LPIN1: variants seen among roughly 807,000 people sequenced by gnomAD.
The protein encoded by LPIN1 is lipin 1, also known as phosphatidate phosphatase LPIN1.
LPIN1 carries 71 observed loss-of-function variants against 107.5 expected under a neutral mutation model. The observed-to-expected ratio is 0.66, with a 90% confidence interval of 0.55 to 0.80. LPIN1 has a LOEUF of 0.80. Ranked by LOEUF, LPIN1 falls within the 30% of genes least tolerant of loss-of-function variation. LPIN1 has a pLI of 0.00. For missense variants in LPIN1, 1,043 were observed against 1,160.6 expected (o/e 0.90, Z 1.47); for synonymous variants, 445 against 452.6 (o/e 0.98, Z 0.21).
intron 1 of LPIN1, among the ~76,000 whole-genome samples, chr2:11,733,553 G>A (rs902033517): frequency 7.3e-5 from 11 of 150,410 alleles, no homozygotes; most frequent in African/African-American, 1.7e-4. Flanking sequence ...GTGCAGTGGC[G>A]TGATCTCAGC....
chr2:11,810,928 A>G (rs1047884545), intron 17 of LPIN1, among the ~76,000 whole-genome samples: 3 of 152,074 alleles, frequency 2.0e-5, no homozygotes, highest in Admixed American at 6.5e-5. Flanking sequence ...ACTTGTACCA[A>G]GCCTGGGCAT....
At position 11,803,456 on chromosome 2, in the gene LPIN1, G is replaced by C. The variant is rs1013841995; in HGVS notation, c.2013+423G>C. 6.6e-6 allele frequency among the ~76,000 whole-genome samples: 1 copy of C among 152,202 alleles called. No individual in the cohort carries two copies. The highest frequency in any genetic ancestry group is 1.5e-5 in the Non-Finnish European group (1 of 68,034). On this transcript the variant is annotated intron_variant, in intron 15 of 20. Coordinates refer to ENST00000674199, the MANE Select transcript of LPIN1 (RefSeq NM_001349206.2). This position sits in a 1 kb window ranked among gnomAD's most constrained non-coding sequence, Gnocchi z 4.2. ...TGTGATAGAATTTAGAGAATTTCAG[G>C]TAACCAGGGGCATCACCTGGTCATG...
intron 14 of LPIN1, among the ~76,000 whole-genome samples, chr2:11,799,471 C>T (rs1280528408): frequency 1.3e-5 from 2 of 151,546 alleles, no homozygotes; most frequent in East Asian, 2.0e-4. Context: ...TCTGCACCAC[C>T]CTCCCCTCCC....
rs183619291 is a variant in LPIN1, at chr2:11,696,619, G to T, written c.82-17137G>T. Among the ~76,000 whole-genome samples the T allele has an allele frequency of 5.3e-5, 8 of 152,304 alleles. No individual in the cohort carries two copies. The East Asian group carries it at 1.6e-3, about 30-fold the overall frequency. On this transcript the variant is annotated intron_variant, in intron 1 of 21. Coordinates refer to the LPIN1 transcript ENST00000449576. ...TGGCGAGCAAGGTGTCTGTAGGGCAGCACAGGATGTCTGGTGAGCAGACAG... is the reference window on the plus strand; with the variant it reads ...TGGCGAGCAAGGTGTCTGTAGGGCATCACAGGATGTCTGGTGAGCAGACAG...
In LPIN1 at chr2:11,747,786, A is replaced by C. The variant is rs528495251; in HGVS notation, c.-10+1115A>C. On this transcript the variant is annotated intron_variant, in intron 1 of 20. Transcript: ENST00000674199. ...GAAAGGTGTAACAGTTGGATTTATGATTATATACTTTGATAGCACTTCACG... is the reference window on the plus strand; with the variant it reads ...GAAAGGTGTAACAGTTGGATTTATGCTTATATACTTTGATAGCACTTCACG... 2.6e-5 allele frequency among the ~76,000 whole-genome samples: 4 copies of C among 152,326 alleles called. No individual in the cohort carries two copies. In the East Asian group the frequency reaches 7.7e-4, roughly 29 times the overall value.
At chr2:11,702,072 A>C (rs527597263) in intron 1 of LPIN1, among the ~76,000 whole-genome samples, 20 of 152,306 alleles carry the variant, frequency 1.3e-4, no homozygotes, top group Admixed American at 5.2e-4. Flanking sequence ...CAGACAGGAA[A>C]ATGACTTTCA....
rs760372011 is a variant in LPIN1, at chr2:11,690,713, TTA to T, written c.81+12987_81+12988del. ...TATTTTACTTCATTAATTCTCTCTT[TTA>T]TGTTTCCTGTTAGGTTTTATCTACT... On this transcript the variant is annotated intron_variant, in intron 1 of 21. Transcript: ENST00000449576. Among the ~76,000 whole-genome samples, 134 of 152,322 alleles carry T rather than the reference TTA, an allele frequency of 8.8e-4. 3 individuals carry two copies. Among genetic ancestry groups the T allele is most frequent in the Non-Finnish European group, 9.0e-4 (61 of 68,026 alleles).
chr2:11,758,162 A>G (rs1177521954), intron 1 of LPIN1, among the ~76,000 whole-genome samples: 1 of 152,058 alleles, frequency 6.6e-6, no homozygotes, highest in African/African-American at 2.4e-5. Context: ...TTGCTTTTCC[A>G]TTCATCTGTC....
chr2:11,740,215 A>G (rs1210610287), intron 1 of LPIN1, among the ~76,000 whole-genome samples: 1 of 152,118 alleles, frequency 6.6e-6, no homozygotes, highest in Non-Finnish European at 1.5e-5. Context: ...CTTTTGTTCT[A>G]TTGAGGAATT....
chr2:11,826,650 G>A lies in LPIN1; in HGVS notation c.*1859G>A, dbSNP rs1474916438. Reference sequence around the variant, plus strand: ...GTGAATTTTAACTGCTCTGAACTAAGTATAAGCTCATGGGCCTGCAAAGGT... The same window carrying A: ...GTGAATTTTAACTGCTCTGAACTAAATATAAGCTCATGGGCCTGCAAAGGT... On this transcript the variant is annotated 3_prime_UTR_variant, in exon 21 of 21. Transcript: ENST00000674199. 1 of 151,820 alleles carries A rather than the reference G, an allele frequency of 6.6e-6. No homozygotes were observed. The highest frequency in any genetic ancestry group is 2.4e-5 in the African/African-American group (1 of 41,302). The allele number at this position is 151,820 out of a possible 1,614,324, so 9.4% of individuals were successfully genotyped here. A position where few individuals can be genotyped will look rare whatever the true frequency, so the allele number is the denominator to read the frequency against.
At chr2:11,795,574 AC>A in intron 14 of LPIN1, 87 bp downstream of exon 14, 2 of 1,189,350 alleles carry the variant, frequency 1.7e-6, no homozygotes, top group African/African-American at 1.5e-5. Context: ...GATAGGGTTC[AC>A]CACACAGTTC....
chr2:11,779,438 A>G (rs1673198287), intron 6 of LPIN1, 81 bp from the exon 7 acceptor site: 2 of 1,469,412 alleles, frequency 1.4e-6, no homozygotes, highest in African/African-American at 2.8e-5. Context: ...TTTCTGGGCT[A>G]TTTGAGCCAT....
rs577937418 is a variant in LPIN1 at position 11,729,194 on chromosome 2, G to T, written c.-72+4655G>T. 3.9e-5 allele frequency among the ~76,000 whole-genome samples: 6 copies of T among 152,274 alleles called. No homozygotes were observed. In the South Asian group the frequency reaches 1.2e-3, roughly 32 times the overall value. On this transcript the variant is annotated intron_variant, in intron 1 of 21. Transcript: ENST00000396097. The stretch of plus-strand genomic sequence containing the variant: ...GAGAGCATTAGGACAAATACTTAAT[G>T]CATGTGGGGCTTAAAACCTAGATGA...
chr2:11,678,302 C>CA (rs926509085), intron 1 of LPIN1, among the ~76,000 whole-genome samples: 66 of 152,250 alleles, frequency 4.3e-4, no homozygotes, highest in African/African-American at 1.4e-3. Context: ...GTTATTTTCA[C>CA]AAAAAAGCCC....
At position 11,697,213 on chromosome 2, in the gene LPIN1, C is replaced by T. The variant is rs2148512836; in HGVS notation, c.82-16543C>T. 6.6e-6 allele frequency among the ~76,000 whole-genome samples: 1 copy of T among 152,346 alleles called. No homozygotes were observed. The highest frequency in any genetic ancestry group is 2.1e-4 in the South Asian group (1 of 4,824). On this transcript the variant is annotated intron_variant, in intron 1 of 21. Coordinates refer to the LPIN1 transcript ENST00000449576. The surrounding 1 kb of genome is among the most constrained non-coding windows in gnomAD (Gnocchi z 4.6). ...GCTGCCACTCAAATAGGCAGCCCTG[C>T]AATCGGAGGGCTGCGTGCTCCCCCT...
At chr2:11,686,217 C>T (rs555714855) in intron 1 of LPIN1, among the ~76,000 whole-genome samples, 1 of 152,254 alleles carries the variant, frequency 6.6e-6, no homozygotes, top group Admixed American at 6.5e-5. Context: ...GAGCTTTGGC[C>T]TGTTCTGGGC....
chr2:11,779,836 T>A (rs1673278802), intron 7 of LPIN1, among the ~76,000 whole-genome samples, 191 bp downstream of exon 7: 1 of 152,202 alleles, frequency 6.6e-6, no homozygotes. Flanking sequence ...AGAGGTCTCA[T>A]TGCTTTTGTA....
intron 9 of LPIN1, 143 bp downstream of exon 9, chr2:11,784,065 G>A (rs1558900755): frequency 2.9e-6 from 4 of 1,399,274 alleles, no homozygotes. Flanking sequence ...AGCACTTTGG[G>A]AGGCTGAGGT....
rs574486463 is a variant in LPIN1 at position 11,786,901 on chromosome 2, C to T, written c.1550-173C>T. ...TCCCTGCATTGCTGCACAGACGCCG[C>T]CTTCCAGGTAAAATGGTGCGGCCTT... is the stretch of plus-strand genomic sequence containing the variant. On this transcript the variant is annotated intron_variant, in intron 10 of 20. Coordinates refer to ENST00000674199, the MANE Select transcript of LPIN1 (RefSeq NM_001349206.2). The surrounding 1 kb of genome is among the most constrained non-coding windows in gnomAD (Gnocchi z 4.1). 1.2e-4 allele frequency: 79 copies of T among 648,238 alleles called. No individual in the cohort carries two copies. In the East Asian group the frequency reaches 2.1e-3, roughly 17 times the overall value. The allele number at this position is 648,238 out of a possible 1,614,324, so 40.2% of individuals were successfully genotyped here.
Sources: gnomAD v4.1 joint callset for allele counts (sites outside exome capture counted in the v4.1 genomes callset) on GRCh38, gnomAD v4.1.1 for gene constraint, Gnocchi (gnomAD v3.1) non-coding constraint, MANE v1.5 for transcripts, NCBI Gene and HGNC (gene_info 2026-07-23, HGNC 2026-07-21) for gene names.